The following RNF141 variants were observed in gnomAD, a reference collection of about 807,000 sequenced individuals.
RNF141 encodes ring finger protein 141, also known as C3HC4-like zinc finger protein.
RNF141 carries 18 observed loss-of-function variants against 27.4 expected under a neutral mutation model. The observed-to-expected ratio is 0.66, with a 90% confidence interval of 0.45 to 0.97. The LOEUF (loss-of-function observed/expected upper bound fraction) is 0.97. Among genes scored for constraint, RNF141 ranks in the 50% least tolerant of loss-of-function variants. The pLI, the probability that RNF141 is intolerant of heterozygous loss-of-function variation, is 0.00. For synonymous variants in RNF141, 97 were observed against 96.6 expected (o/e 1.00, Z -0.02); for missense variants, 230 against 279.4 (o/e 0.82, Z 1.26).
rs138886304 is a variant in RNF141 at position 10,515,317 on chromosome 11, C to T, written c.543-251G>A. 3.3e-4 allele frequency: 136 copies of T among 408,826 alleles called. No individual in the cohort carries two copies. In the East Asian group the frequency reaches 3.4e-3, roughly 10 times the overall value. 25.3% of individuals were successfully genotyped at this position (408,826 alleles called of 1,614,324 possible). ...GCTTATGTGTACACACATGCACGCACGTGCACACACACATTTCTCCACTTG... is the reference window on the plus strand; with the variant it reads ...GCTTATGTGTACACACATGCACGCATGTGCACACACACATTTCTCCACTTG... On this transcript the variant is annotated intron_variant, in intron 5 of 5. Coordinates refer to ENST00000265981, the MANE Select transcript of RNF141 (RefSeq NM_016422.4).
intron 4 of RNF141, among the ~76,000 whole-genome samples, chr11:10,520,284 C>T (rs1052799799): frequency 6.6e-6 from 1 of 152,194 alleles, no homozygotes; most frequent in African/African-American, 2.4e-5. Flanking sequence ...TACCTTAAAA[C>T]ACACATTATA....
intron 2 of RNF141, among the ~76,000 whole-genome samples, chr11:10,532,496 T>TACACACACACACAC (rs10559393): frequency 4.6e-5 from 6 of 131,156 alleles, no homozygotes; most frequent in African/African-American, 8.7e-5. Context: ...GTTCATTTTC[T>TACACACACACACAC]ACACACACAC....
In RNF141 at chr11:10,525,299, A is replaced by G. The variant is rs749397617; in HGVS notation, c.327T>C (p.Asp109=). ...NLYQFIQLYK[D]ITSQAAGVLA... is the part of the protein sequence containing the mutation. Reference sequence around the variant, plus strand: ...ATACTCCTGCTGCTTGACTTGTGATATCTTTATAAAGTTGAATAAACTGGT... The same window carrying G: ...ATACTCCTGCTGCTTGACTTGTGATGTCTTTATAAAGTTGAATAAACTGGT... Residue 109 remains aspartate (D), a synonymous_variant, in exon 4 of 6, where the codon GAT becomes GAC. Transcript: ENST00000265981. 28 of 1,613,252 alleles carry G rather than the reference A, an allele frequency of 1.7e-5. No individual in the cohort carries two copies. In the Admixed American group the frequency reaches 3.0e-4, roughly 17 times the overall value.
intron 2 of RNF141, 63 bp from the exon 3 acceptor site, chr11:10,530,814 C>A: frequency 3.4e-6 from 3 of 891,582 alleles, no homozygotes; most frequent in South Asian, 2.1e-5. Context: ...ATAATACAGC[C>A]ATGAAACTAG....
intron 1 of RNF141, among the ~76,000 whole-genome samples, chr11:10,540,020 G>GA (rs780605779): frequency 2.6e-5 from 4 of 151,982 alleles, no homozygotes; most frequent in Non-Finnish European, 5.9e-5. Flanking sequence ...CAGGCAATGT[G>GA]AAAGAAAAGG....
At chr11:10,532,604 TAAAAG>T (rs1004079866) in intron 2 of RNF141, among the ~76,000 whole-genome samples, 4 of 152,010 alleles carry the variant, frequency 2.6e-5, no homozygotes, top group South Asian at 2.1e-4. Context: ...CCAATCTTCT[TAAAAG>T]AAACCATCTT....
chr11:10,526,879 C>T (rs1849941014), intron 3 of RNF141, among the ~76,000 whole-genome samples: 1 of 152,018 alleles, frequency 6.6e-6, no homozygotes, highest in Non-Finnish European at 1.5e-5. Flanking sequence ...AAGGTAAAAT[C>T]TATCTGGAGA....
rs934968919 is a variant in RNF141 at position 10,511,988 on chromosome 11, C to T, written c.*2928G>A. ...TTATCAGTGGGTACTAAGAATAACA[C>T]AGATCCTATTATTCTCAACCTCTAA... On this transcript the variant is annotated 3_prime_UTR_variant, in exon 6 of 6. Transcript: ENST00000265981. The T allele has an allele frequency of 6.6e-6, 1 of 152,652 alleles. No homozygotes were observed. The highest frequency in any genetic ancestry group is 1.5e-5 in the Non-Finnish European group (1 of 68,024). 9.5% of individuals were successfully genotyped at this position (152,652 alleles called of 1,614,324 possible).
rs1279779336 is a variant in RNF141 at position 10,514,422 on chromosome 11, AT to A, written c.*493del. The stretch of plus-strand genomic sequence containing the variant: ...ATTAACCACAAGGGGGCATATATAT[AT>A]ATACTCCTTAGATTCCAGCAGAAAG... On this transcript the variant is annotated 3_prime_UTR_variant, in exon 6 of 6. Coordinates refer to ENST00000265981, the MANE Select transcript of RNF141 (RefSeq NM_016422.4). 6.5e-6 allele frequency: 1 copy of A among 152,744 alleles called. No individual in the cohort carries two copies. Among genetic ancestry groups the A allele is most frequent in the Non-Finnish European group, 1.5e-5 (1 of 68,130 alleles). The allele number at this position is 152,744 out of a possible 1,614,324, so 9.5% of individuals were successfully genotyped here.
At chr11:10,520,944 C>T (rs1175235572) in intron 4 of RNF141, among the ~76,000 whole-genome samples, 3 of 152,180 alleles carry the variant, frequency 2.0e-5, no homozygotes. Context: ...AATATGGATC[C>T]TGCCATCAGG....
At chr11:10,519,267 T>C in intron 4 of RNF141, 126 bp from the exon 5 acceptor site, 2 of 611,238 alleles carry the variant, frequency 3.3e-6, no homozygotes, top group South Asian at 5.7e-5. Flanking sequence ...ATGACTCATG[T>C]GCAAAATCAG....
At chr11:10,526,569 G>A (rs1366364586) in intron 3 of RNF141, among the ~76,000 whole-genome samples, 5 of 152,078 alleles carry the variant, frequency 3.3e-5, no homozygotes, top group African/African-American at 9.7e-5. Context: ...AGATCATGAG[G>A]TCAGGAGATT....
chr11:10,515,166 G>T, intron 5 of RNF141, 100 bp from the exon 6 acceptor site: 1 of 1,290,318 alleles, frequency 7.8e-7, no homozygotes, highest in Non-Finnish European at 1.1e-6. Flanking sequence ...AAAGGAAATA[G>T]CATAGAAATA....
At chr11:10,525,149 A>T in intron 4 of RNF141, 43 bp downstream of exon 4, 1 of 1,387,830 alleles carries the variant, frequency 7.2e-7, no homozygotes, top group Non-Finnish European at 9.7e-7. Flanking sequence ...AGTTGTTTTC[A>T]TATTAGAAAA....
intron 4 of RNF141, 43 bp downstream of exon 4, chr11:10,525,149 A>G (rs773241796): frequency 4.3e-6 from 6 of 1,387,830 alleles, no homozygotes; most frequent in Middle Eastern, 2.6e-4. Flanking sequence ...AGTTGTTTTC[A>G]TATTAGAAAA....
rs1065052 is a variant in RNF141 at position 10,534,042 on chromosome 11, A to T, written c.117T>A (p.Leu39=). Residue 39 remains leucine, a synonymous_variant, in exon 2 of 6, where the codon CTT becomes CTA. Coordinates refer to ENST00000265981, the MANE Select transcript of RNF141 (RefSeq NM_016422.4). ...ESGSLTYEEF[L]GRVAELNDVT... is the part of the protein sequence containing the mutation. ...CATCATTAAGCTCAGCTACTCTCCC[A>T]AGAAATTCTTCATAAGTTAAGGAGC... is the stretch of plus-strand genomic sequence containing the variant. 1 of 1,613,088 alleles carries T rather than the reference A, an allele frequency of 6.2e-7. No individual in the cohort carries two copies. The highest frequency in any genetic ancestry group is 1.1e-5 in the South Asian group (1 of 90,986).
chr11:10,522,561 C>T (rs889387232), intron 4 of RNF141, among the ~76,000 whole-genome samples: 5 of 152,126 alleles, frequency 3.3e-5, no homozygotes, highest in African/African-American at 7.2e-5. Flanking sequence ...AGTATGTAGA[C>T]GAGACCCACA....
At chr11:10,521,716 G>C (rs796521514) in intron 4 of RNF141, among the ~76,000 whole-genome samples, 9 of 152,278 alleles carry the variant, frequency 5.9e-5, no homozygotes, top group African/African-American at 2.2e-4. Context: ...AAAAACAATA[G>C]GATTTTAATA....
At chr11:10,532,484 TAGTTC>T (rs2133974189) in intron 2 of RNF141, among the ~76,000 whole-genome samples, 1 of 142,074 alleles carries the variant, frequency 7.0e-6, no homozygotes, top group Non-Finnish European at 1.5e-5. Context: ...GGGAATAGTT[TAGTTC>T]ATTTTCTACA....
Sources: allele counts gnomAD v4.1 joint callset (sites outside exome capture counted in the v4.1 genomes callset), GRCh38; gene constraint gnomAD v4.1.1; transcripts MANE v1.5; gene names NCBI Gene and HGNC (gene_info 2026-07-23, HGNC 2026-07-21).